The following MESD variants were observed in gnomAD, a reference collection of about 807,000 sequenced individuals.
The protein encoded by MESD is mesoderm development LRP chaperone.
In MESD, 7 loss-of-function variants were observed where a neutral mutation model predicts 12.9. That is an observed-to-expected ratio of 0.54 (90% CI 0.31 to 1.02). The LOEUF (loss-of-function observed/expected upper bound fraction) is 1.02. MESD is among the 50% of genes least tolerant of loss of function. The pLI is 0.05. For missense variants in MESD, 342 were observed against 296.7 expected, an observed-to-expected ratio of 1.15 and a Z score of -1.12; for synonymous variants, 126 against 115.6, an observed-to-expected ratio of 1.09 and a Z score of -0.58.
At chr15:80,969,766 A>G (rs138846566) in intron 3 of MESD, among the ~76,000 whole-genome samples, 7,655 of 152,206 alleles carry the variant, frequency 0.05, 240 homozygotes, top group Middle Eastern at 0.18. Flanking sequence ...GAGGCAGGAG[A>G]ATCACTTGAA....
intron 1 of MESD, among the ~76,000 whole-genome samples, chr15:80,988,976 G>GT (rs1893222658): frequency 2.6e-5 from 4 of 152,200 alleles, no homozygotes; most frequent in Non-Finnish European, 5.9e-5. Flanking sequence ...AACAAAAAGC[G>GT]TGAGTTTCAC....
rs776691266 is a variant in MESD, at chr15:80,978,049, TA to T, written c.*1169del. On this transcript the variant is annotated 3_prime_UTR_variant, in exon 3 of 3. Coordinates refer to ENST00000261758, the MANE Select transcript of MESD (RefSeq NM_015154.3). ...ATCACCATAAGTACATTTACATAAG[TA>T]AATGTACTTTTTTTTGGTGGATGGG... 7.2e-5 allele frequency: 11 copies of T among 152,100 alleles called. No homozygotes were observed. Among genetic ancestry groups the T allele is most frequent in the Non-Finnish European group, 1.6e-4 (11 of 68,020 alleles). The allele number at this position is 152,100 out of a possible 1,614,324, so 9.4% of individuals were successfully genotyped here. A position where few individuals can be genotyped will look rare whatever the true frequency, so the allele number is the denominator to read the frequency against.
intron 3 of MESD, among the ~76,000 whole-genome samples, chr15:80,955,001 G>A (rs1029670403): frequency 6.6e-6 from 1 of 152,126 alleles, no homozygotes; most frequent in Non-Finnish European, 1.5e-5. Flanking sequence ...AATGGCATCA[G>A]CATCATCAGC....
intron 3 of MESD, among the ~76,000 whole-genome samples, chr15:80,955,483 G>A (rs182593665): frequency 0.011 from 1,167 of 107,136 alleles, 28 homozygotes; most frequent in African/African-American, 0.049. Flanking sequence ...GAGAGACTCC[G>A]TCTCAAAAAA....
In MESD at chr15:80,989,567, C is replaced by A. The variant is rs1184554704; in HGVS notation, c.213+12G>T. The A allele has an allele frequency of 6.2e-7, 1 of 1,611,182 alleles. No individual in the cohort carries two copies. Among genetic ancestry groups the A allele is most frequent in the Non-Finnish European group, 8.5e-7 (1 of 1,178,422 alleles). ...CAGAGAAGAGCCGGGAGGGTGTGCG[C>A]GCGCCGCGGACCTCCCATTGCTCCA... is the stretch of plus-strand genomic sequence containing the variant. On this transcript the variant is annotated intron_variant, in intron 1 of 2. Transcript: ENST00000261758.
intron 3 of MESD, among the ~76,000 whole-genome samples, chr15:80,969,802 C>T (rs1261819871): frequency 6.6e-6 from 1 of 152,150 alleles, no homozygotes; most frequent in Admixed American, 6.5e-5. Context: ...TTGCAGTGAG[C>T]CGAGATGGCG....
At chr15:80,988,063 C>T (rs1902781877) in intron 1 of MESD, among the ~76,000 whole-genome samples, 2 of 152,368 alleles carry the variant, frequency 1.3e-5, no homozygotes, top group Admixed American at 1.3e-4. Context: ...CTAGCTTAAT[C>T]CACGTCTTCC....
chr15:80,971,265 T>C (rs964293722), downstream of MESD, among the ~76,000 whole-genome samples: 4 of 152,188 alleles, frequency 2.6e-5, no homozygotes, highest in South Asian at 2.1e-4. Flanking sequence ...CAGCCTAGCA[T>C]AGGAAAACAA....
chr15:80,962,525 C>A (rs1221714637), intron 3 of MESD, among the ~76,000 whole-genome samples: 1 of 152,178 alleles, frequency 6.6e-6, no homozygotes, highest in Admixed American at 6.5e-5. Context: ...CCCAAATCAA[C>A]AGAATATACA....
intron 3 of MESD, among the ~76,000 whole-genome samples, chr15:80,966,516 C>T (rs1902178504): frequency 6.6e-6 from 1 of 152,202 alleles, no homozygotes; most frequent in Admixed American, 6.5e-5. Flanking sequence ...GCTCAACGGG[C>T]CCAGTGCTCC....
Position 80,977,526 on chromosome 15 carries a change from G to A in MESD, c.*1693C>T, listed in dbSNP as rs1441919874. ...AAGTGGAAACAGAAGGTACAGGGCG[G>A]AGTGAAAGCTTTGCTACCTTTTGCT... On this transcript the variant is annotated 3_prime_UTR_variant, in exon 3 of 3. Transcript: ENST00000261758. 1 of 152,236 alleles carries A rather than the reference G, an allele frequency of 6.6e-6. No individual in the cohort carries two copies. Among genetic ancestry groups the A allele is most frequent in the Non-Finnish European group, 1.5e-5 (1 of 68,082 alleles). 9.4% of individuals were successfully genotyped at this position (152,236 alleles called of 1,614,324 possible).
At chr15:80,968,107 G>T (rs570818017) in intron 3 of MESD, among the ~76,000 whole-genome samples, 1 of 152,344 alleles carries the variant, frequency 6.6e-6, no homozygotes, top group South Asian at 2.1e-4. Context: ...CCTGCAGACC[G>T]CTTGGACTCT....
At position 80,979,460 on chromosome 15, in the gene MESD, T is replaced by C. The variant is rs146044786; in HGVS notation, c.464A>G (p.Asp155Gly). ...YDVQRFIVGS[D>G]RAIFMLRDGS... ...ATCGCGAAGCATGAAGATAGCACGG[T>C]CTGATCCCACAATGAACCTTGGGCA... The change falls in exon 3 of 3, where the codon GAC becomes GGC. Residue 155 changes from aspartate (D) to glycine (G), a missense_variant. Coordinates refer to ENST00000261758, the MANE Select transcript of MESD (RefSeq NM_015154.3). 1.3e-4 allele frequency: 215 copies of C among 1,614,146 alleles called. No individual in the cohort carries two copies. Among genetic ancestry groups the C allele is most frequent in the Non-Finnish European group, 1.7e-4 (203 of 1,180,002 alleles).
In MESD at chr15:80,979,482, G is replaced by T; in HGVS notation, c.447-5C>A. The T allele has an allele frequency of 6.2e-7, 1 of 1,611,944 alleles. No homozygotes were observed. Among genetic ancestry groups the T allele is most frequent in the South Asian group, 1.1e-5 (1 of 90,964 alleles). ...CGGTCTGATCCCACAATGAACCTTG[G>T]GCAGAGAGATGCAATCAGTCAGCCA... On this transcript the variant is annotated splice_region_variant and splice_polypyrimidine_tract_variant and intron_variant, in intron 2 of 2. Coordinates refer to ENST00000261758, the MANE Select transcript of MESD (RefSeq NM_015154.3).
intron 3 of MESD, among the ~76,000 whole-genome samples, chr15:80,961,647 G>C (rs1596226396): frequency 6.6e-6 from 1 of 152,190 alleles, no homozygotes; most frequent in Non-Finnish European, 1.5e-5. Flanking sequence ...AAATGCACAA[G>C]AATTTGTGAC....
chr15:80,959,403 G>C (rs1025197792), intron 3 of MESD, among the ~76,000 whole-genome samples: 1 of 152,150 alleles, frequency 6.6e-6, no homozygotes, highest in Non-Finnish European at 1.5e-5. Context: ...AAATTAGTGC[G>C]GCCCTGGTGT....
At chr15:80,985,641 T>TTTTTTTTTG in intron 1 of MESD, among the ~76,000 whole-genome samples, 1 of 130,284 alleles carries the variant, frequency 7.7e-6, no homozygotes, top group African/African-American at 3.0e-5. Context: ...CCAAGCAGCT[T>TTTTTTTTTG]TTTTTTTTTT....
intron 1 of MESD, among the ~76,000 whole-genome samples, chr15:80,985,185 A>G (rs954878669): frequency 6.6e-6 from 1 of 152,242 alleles, no homozygotes; most frequent in Non-Finnish European, 1.5e-5. Flanking sequence ...AGACAGGAGC[A>G]TGGGCTGTGC....
chr15:80,948,371 T>TAG (rs2141765186), exon 5 of MESD: 1 of 311,470 alleles, frequency 3.2e-6, no homozygotes, highest in Non-Finnish European at 6.4e-6. Context: ...CACAGAGTGA[T>TAG]AGAGTGGGGA....
Sources: allele counts gnomAD v4.1 joint callset (sites outside exome capture counted in the v4.1 genomes callset), GRCh38; gene constraint gnomAD v4.1.1; transcripts MANE v1.5; gene names NCBI Gene and HGNC (gene_info 2026-07-23, HGNC 2026-07-21).